The following TBC1D4 variants were observed in gnomAD, a reference collection of about 807,000 sequenced individuals.
TBC1D4 encodes TBC1 domain family member 4, also known as TBC (Tre-2, BUB2, CDC16) domain-containing protein.
In TBC1D4, 121 loss-of-function variants were observed where a neutral mutation model predicts 142.5. The ratio of observed to expected loss-of-function variants is 0.85; its 90% CI spans 0.73 to 0.99. The LOEUF (loss-of-function observed/expected upper bound fraction) is 0.99, where lower values mean the gene tolerates loss of function less well. TBC1D4 is among the 50% of genes least tolerant of loss of function. The pLI, the probability that TBC1D4 is intolerant of heterozygous loss-of-function variation, is 0.00. For missense variants in TBC1D4, 1,475 were observed against 1,606.6 expected (o/e 0.92, Z 1.40); for synonymous variants, 630 against 628.2 (o/e 1.00, Z -0.04).
At chr13:75,401,742 G>A (rs1885105640) in intron 1 of TBC1D4, among the ~76,000 whole-genome samples, 1 of 152,124 alleles carries the variant, frequency 6.6e-6, no homozygotes, top group Admixed American at 6.6e-5. Context: ...TTAGCTACTG[G>A]AGAATAAAGG....
Position 75,481,640 on chromosome 13 carries a change from C to G in TBC1D4, c.128G>C (p.Gly43Ala), listed in dbSNP as rs1190700336. The G allele has an allele frequency of 1.9e-6, 3 of 1,605,456 alleles. No individual in the cohort carries two copies. Among genetic ancestry groups the G allele is most frequent in the Non-Finnish European group, 2.6e-6 (3 of 1,176,076 alleles). Residue 43 changes from glycine to alanine, a missense_variant, in exon 1 of 21, where the codon GGG (glycine) becomes GCG (alanine). This residue lies in a region of TBC1D4 where 1,227 missense variants were observed against 1,267.7 expected (regional missense o/e 0.97). Transcript: ENST00000377636. ...DKRFRLWYVG[G>A]SCLDHRTTLP... is the part of the protein sequence containing the mutation. ...CGTGGTCCTGTGGTCCAGGCACGAC[C>G]CCCCAACGTACCACAGCCGGAACCG...
At position 75,310,023 on chromosome 13, in the gene TBC1D4, C is replaced by A; in HGVS notation, c.2512G>T (p.Glu838Ter). The change falls in exon 14 of 21, where the codon GAA becomes TAA. Residue 838 changes from glutamate (E) to a stop codon, truncating the protein, a stop_gained. Coordinates refer to ENST00000377636, the MANE Select transcript of TBC1D4 (RefSeq NM_014832.5). LOFTEE classifies it high-confidence loss of function. ...GCTTTTCTCCACAAGCTCCTCAGTT[C>A]TTTTGATTTCTTTCTTTCTTCAATC... ...EKIEERKKSK[E>*]LRSLWRKAIH... 1 of 1,614,104 alleles carries A rather than the reference C, an allele frequency of 6.2e-7. No homozygotes were observed. The highest frequency in any genetic ancestry group is 8.5e-7 in the Non-Finnish European group (1 of 1,180,000).
intron 4 of TBC1D4, 39 bp from the exon 5 acceptor site, chr13:75,349,341 C>A: frequency 1.9e-6 from 3 of 1,612,012 alleles, no homozygotes; most frequent in Non-Finnish European, 2.5e-6. Flanking sequence ...TAAAAGTTGG[C>A]TTACATGGCA....
rs774625506 is a variant in TBC1D4 at position 75,481,411 on chromosome 13, G to T, written c.357C>A (p.Phe119Leu). 1.2e-6 allele frequency: 2 copies of T among 1,613,878 alleles called. No individual in the cohort carries two copies. Among genetic ancestry groups the T allele is most frequent in the Non-Finnish European group, 8.5e-7 (1 of 1,179,812 alleles). Residue 119 changes from phenylalanine to leucine, a missense_variant, in exon 1 of 21, where the codon TTC becomes TTA. By Grantham distance (22) the Phe-to-Leu change is conservative. Transcript: ENST00000377636. The part of the protein sequence containing the change: ...ATQPNPAVFI[F>L]EHKAQHISRF... ...GCGAGATATGCTGCGCCTTGTGCTC[G>T]AAGATGAATACCGCCGGGTTGGGCT...
intron 1 of TBC1D4, among the ~76,000 whole-genome samples, chr13:75,436,203 G>A (rs1393916668): frequency 6.6e-6 from 1 of 152,050 alleles, no homozygotes; most frequent in Admixed American, 6.5e-5. Context: ...CTTCCCTTCT[G>A]CCATGATTAT....
chr13:75,330,137 T>C lies in TBC1D4; in HGVS notation c.1732-2311A>G, dbSNP rs963692933. Among the ~76,000 whole-genome samples the C allele has an allele frequency of 5.3e-5, 8 of 152,342 alleles. No individual in the cohort carries two copies. In the East Asian group the frequency reaches 1.3e-3, roughly 26 times the overall value. Reference sequence around the variant, plus strand: ...TTGGTTCTGGACTAATCCTTTAACTTTTTACCTTGTTCTCCTATTTTCCAT... The same window carrying C: ...TTGGTTCTGGACTAATCCTTTAACTCTTTACCTTGTTCTCCTATTTTCCAT... On this transcript the variant is annotated intron_variant, in intron 8 of 20. Coordinates refer to ENST00000377636, the MANE Select transcript of TBC1D4 (RefSeq NM_014832.5).
At chr13:75,472,124 A>C (rs1211849458) in intron 1 of TBC1D4, among the ~76,000 whole-genome samples, 3 of 137,154 alleles carry the variant, frequency 2.2e-5, no homozygotes, top group African/African-American at 8.2e-5. Flanking sequence ...AAAAAAAAAA[A>C]AAGAAAAGAA....
chr13:75,377,071 A>T (rs1014041581), intron 1 of TBC1D4, among the ~76,000 whole-genome samples: 1 of 152,196 alleles, frequency 6.6e-6, no homozygotes, highest in Non-Finnish European at 1.5e-5. Context: ...CATAATATAA[A>T]TTTTTCTGTC....
chr13:75,446,819 A>G (rs1372808020), intron 1 of TBC1D4, among the ~76,000 whole-genome samples: 1 of 152,070 alleles, frequency 6.6e-6, no homozygotes, highest in Admixed American at 6.6e-5. Context: ...TACTAGGTTG[A>G]TCTCAAATTA....
chr13:75,348,548 T>C (rs1375194406), intron 5 of TBC1D4, among the ~76,000 whole-genome samples: 1 of 152,188 alleles, frequency 6.6e-6, no homozygotes, highest in Non-Finnish European at 1.5e-5. Flanking sequence ...TTTTTTGTGT[T>C]GTTGTTAGTA....
At chr13:75,451,243 G>A (rs1442937432) in intron 1 of TBC1D4, among the ~76,000 whole-genome samples, 1 of 151,906 alleles carries the variant, frequency 6.6e-6, no homozygotes, top group Non-Finnish European at 1.5e-5. Context: ...ACTTATTAGA[G>A]CGAAAAAAAG....
intron 1 of TBC1D4, among the ~76,000 whole-genome samples, chr13:75,459,081 T>C (rs1887860996): frequency 6.6e-6 from 1 of 152,198 alleles, no homozygotes; most frequent in African/African-American, 2.4e-5. Context: ...AGCTCACTCG[T>C]TGGCACACCT....
chr13:75,305,852 A>G (rs980760268), intron 15 of TBC1D4, among the ~76,000 whole-genome samples: 3 of 152,220 alleles, frequency 2.0e-5, no homozygotes, highest in African/African-American at 7.2e-5. Context: ...AAATAAAAGC[A>G]ACTTCTCCAA....
chr13:75,287,830 T>C (rs184075108), intron 20 of TBC1D4, among the ~76,000 whole-genome samples: 1 of 152,170 alleles, frequency 6.6e-6, no homozygotes, highest in East Asian at 1.9e-4. Flanking sequence ...AGCAGAGTTT[T>C]AGTGTTTTCC....
chr13:75,304,675 A>G (rs762930999), intron 15 of TBC1D4, among the ~76,000 whole-genome samples: 1 of 152,154 alleles, frequency 6.6e-6, no homozygotes, highest in Non-Finnish European at 1.5e-5. Context: ...CGCAGGCAGC[A>G]GTCACTCCAG....
At chr13:75,288,790 C>T (rs1276329917) in intron 20 of TBC1D4, 144 bp downstream of exon 20, 2 of 836,032 alleles carry the variant, frequency 2.4e-6, no homozygotes, top group African/African-American at 1.7e-5. Context: ...TCATTTGTAG[C>T]CCCAGAGCAC....
At chr13:75,383,970 A>T (rs1884015838) in intron 1 of TBC1D4, among the ~76,000 whole-genome samples, 1 of 152,102 alleles carries the variant, frequency 6.6e-6, no homozygotes, top group South Asian at 2.1e-4. Context: ...AACCATTTCA[A>T]AACTTATCTC....
intron 1 of TBC1D4, among the ~76,000 whole-genome samples, chr13:75,391,348 G>C (rs1329196731): frequency 6.6e-6 from 1 of 152,040 alleles, no homozygotes; most frequent in Non-Finnish European, 1.5e-5. Flanking sequence ...TGCTATCTGT[G>C]ATTTCTCTCC....
intron 1 of TBC1D4, chr13:75,366,825 A>T (rs760006524): frequency 7.3e-6 from 4 of 547,238 alleles, no homozygotes; most frequent in Non-Finnish European, 9.3e-6. Flanking sequence ...AAATAAAACA[A>T]ATTCTACAAC....
Sources: allele counts gnomAD v4.1 joint callset (sites outside exome capture counted in the v4.1 genomes callset), GRCh38; gene constraint gnomAD v4.1.1; regional missense constraint gnomAD v4.1.1; transcripts MANE v1.5; gene names NCBI Gene and HGNC (gene_info 2026-07-23, HGNC 2026-07-21).